ATXN1: variants seen among roughly 807,000 people sequenced by gnomAD.
ATXN1 encodes the protein ataxin 1, also known as ataxin-1.
A neutral mutation model predicts 56.4 loss-of-function variants in ATXN1; 8 were observed. The ratio of observed to expected loss-of-function variants is 0.14; its 90% confidence interval spans 0.08 to 0.26. The LOEUF (loss-of-function observed/expected upper bound fraction) is 0.26. Ranked by LOEUF, ATXN1 falls within the 10% of genes least tolerant of loss-of-function variation. ATXN1 has a pLI of 1.00. For missense variants in ATXN1, 987 were observed against 1,106.5 expected, an observed-to-expected ratio of 0.89 and a Z score of 1.53; for synonymous variants, 514 against 494.6, an observed-to-expected ratio of 1.04 and a Z score of -0.52.
rs532036694 is a variant in ATXN1 at position 16,329,503 on chromosome 6, T to C, written c.-160-1033A>G. The stretch of plus-strand genomic sequence containing the variant: ...AGAATTCCCAGTACAGCCACTCATA[T>C]GATGACGGAGTGAGACTGTTAAAAA... On this transcript the variant is annotated intron_variant, in intron 6 of 7. Transcript: ENST00000436367. Among the ~76,000 whole-genome samples the C allele has an allele frequency of 4.6e-5, 7 of 152,328 alleles. No individual in the cohort carries two copies. In the South Asian group the frequency reaches 1.5e-3, roughly 32 times the overall value.
Position 16,733,268 on chromosome 6 carries a change from A to G in ATXN1, c.-615+19965T>C, listed in dbSNP as rs115965793. On this transcript the variant is annotated intron_variant, in intron 2 of 7. Transcript: ENST00000436367. Reference sequence around the variant, plus strand: ...CTATTTTAAGAGCCACACTATTAAGAACCACAAGTCAGCCAGGCACGGCAG... The same window carrying G: ...CTATTTTAAGAGCCACACTATTAAGGACCACAAGTCAGCCAGGCACGGCAG... Among the ~76,000 whole-genome samples the G allele has an allele frequency of 2.9e-3, 444 of 152,370 alleles. 2 individuals are homozygous for G. The highest frequency in any genetic ancestry group is 0.01 in the African/African-American group (433 of 41,588).
intron 4 of ATXN1, among the ~76,000 whole-genome samples, chr6:16,572,753 G>C (rs1762354979): frequency 6.6e-6 from 1 of 152,070 alleles, no homozygotes; most frequent in Non-Finnish European, 1.5e-5. Context: ...GAAAAGACAT[G>C]GTACCTGAAG....
intron 6 of ATXN1, among the ~76,000 whole-genome samples, chr6:16,400,443 C>G (rs570717703): frequency 1.3e-5 from 2 of 152,220 alleles, no homozygotes; most frequent in South Asian, 2.1e-4. Context: ...GGCCAGACCA[C>G]ATGGCCATTG....
intron 6 of ATXN1, among the ~76,000 whole-genome samples, chr6:16,370,066 C>G (rs902718566): frequency 4.6e-5 from 7 of 152,052 alleles, no homozygotes; most frequent in African/African-American, 1.7e-4. Flanking sequence ...TGGTGACTGT[C>G]GTTCAAAGCC....
At chr6:16,701,688 T>C (rs1759287637) in intron 2 of ATXN1, among the ~76,000 whole-genome samples, 1 of 144,384 alleles carries the variant, frequency 6.9e-6, no homozygotes, top group Non-Finnish European at 1.5e-5. Flanking sequence ...TATACACCAC[T>C]AACAGACAAA....
At chr6:16,344,651 G>A (rs368513483) in intron 6 of ATXN1, among the ~76,000 whole-genome samples, 9 of 152,236 alleles carry the variant, frequency 5.9e-5, no homozygotes, top group African/African-American at 2.2e-4. Context: ...ACAGGCTGAA[G>A]GCTGCACTGT....
chr6:16,535,375 G>A (rs1761576913), intron 4 of ATXN1, among the ~76,000 whole-genome samples: 1 of 152,102 alleles, frequency 6.6e-6, no homozygotes, highest in Admixed American at 6.6e-5. Flanking sequence ...CAGAAAGTGG[G>A]AAAATGCTAA....
chr6:16,598,350 T>C (rs1762853022), intron 3 of ATXN1, among the ~76,000 whole-genome samples: 2 of 152,220 alleles, frequency 1.3e-5, no homozygotes, highest in Admixed American at 1.3e-4. Context: ...ATGTTTTCTC[T>C]TTTGAAATTT....
At chr6:16,736,528 T>TA (rs1760138588) in intron 2 of ATXN1, among the ~76,000 whole-genome samples, 1 of 152,202 alleles carries the variant, frequency 6.6e-6, no homozygotes. Context: ...CTTAGAAACT[T>TA]AAAGTTGTAT....
intron 3 of ATXN1, among the ~76,000 whole-genome samples, chr6:16,635,365 A>G (rs908768207): frequency 2.6e-5 from 4 of 152,178 alleles, no homozygotes; most frequent in African/African-American, 9.6e-5. Context: ...ATGAATATAA[A>G]TGCATTTGAA....
intron 3 of ATXN1, among the ~76,000 whole-genome samples, chr6:16,602,021 G>A (rs981516108): frequency 3.9e-5 from 6 of 152,122 alleles, no homozygotes; most frequent in Middle Eastern, 6.3e-3. Flanking sequence ...CAGAATCCAT[G>A]CCAAGGGACT....
intron 2 of ATXN1, chr6:16,738,614 T>C (rs1013561916): frequency 3.9e-5 from 6 of 152,240 alleles, no homozygotes; most frequent in African/African-American, 1.4e-4. Flanking sequence ...AGCACATCTA[T>C]GACTGAATTA....
rs141382992 is a variant in ATXN1, at chr6:16,610,254, AAACC to A, written c.-488-24351_-488-24348del. ...TTTCTAAACTGAAGAAATACAGAGTAAACCAACCAACCAACCAACCAACCAACCA... is the reference window on the plus strand; with the variant it reads ...TTTCTAAACTGAAGAAATACAGAGTAAACCAACCAACCAACCAACCAACCA... On this transcript the variant is annotated intron_variant, in intron 3 of 7. Transcript: ENST00000436367. Among the ~76,000 whole-genome samples the A allele has an allele frequency of 6.7e-3, 1,014 of 151,670 alleles. 24 individuals are homozygous for A. Among genetic ancestry groups the A allele is most frequent in the East Asian group, 0.062 (322 of 5,172 alleles).
At chr6:16,433,176 C>T (rs1759320772) in intron 6 of ATXN1, 1 of 152,104 alleles carries the variant, frequency 6.6e-6, no homozygotes. Context: ...ACATAGTAGA[C>T]AATGTCCTAT....
chr6:16,603,507 G>A (rs186629880), intron 3 of ATXN1, among the ~76,000 whole-genome samples: 248 of 152,264 alleles, frequency 1.6e-3, no homozygotes, highest in African/African-American at 5.5e-3. Flanking sequence ...TGAAAACACA[G>A]TTCCATAAGG....
At chr6:16,609,313 T>C (rs73370662) in intron 3 of ATXN1, among the ~76,000 whole-genome samples, 7,619 of 152,234 alleles carry the variant, frequency 0.05, 622 homozygotes, top group African/African-American at 0.17. Context: ...TCCATGCCCA[T>C]GGCCATCTGG....
chr6:16,443,942 C>T (rs1438902363), intron 6 of ATXN1, among the ~76,000 whole-genome samples: 1 of 152,072 alleles, frequency 6.6e-6, no homozygotes, highest in Non-Finnish European at 1.5e-5. Flanking sequence ...CAGTGAAACC[C>T]CGTCTCTACT....
intron 3 of ATXN1, among the ~76,000 whole-genome samples, chr6:16,626,457 A>G (rs965663286): frequency 1.3e-5 from 2 of 151,842 alleles, no homozygotes; most frequent in African/African-American, 4.8e-5. Context: ...ATGCCCAGCT[A>G]ATTTTTGTTT....
chr6:16,724,120 T>C (rs566919995), intron 2 of ATXN1, among the ~76,000 whole-genome samples: 50 of 152,140 alleles, frequency 3.3e-4, no homozygotes, highest in Non-Finnish European at 5.9e-4. Flanking sequence ...AACTGATTGG[T>C]GAGGGAAGTA....
Sources: allele counts gnomAD v4.1 joint callset (sites outside exome capture counted in the v4.1 genomes callset), GRCh38; gene constraint gnomAD v4.1.1; transcripts MANE v1.5; gene names NCBI Gene and HGNC (gene_info 2026-07-23, HGNC 2026-07-21).